Variants in SLC36A1 observed in about 807,000 individuals in gnomAD.
SLC36A1 encodes the protein proton-coupled amino acid transporter 1.
In SLC36A1, 30 loss-of-function variants were observed where a neutral mutation model predicts 47.5. The observed-to-expected ratio is 0.63, with a 90% CI of 0.47 to 0.86. The LOEUF is 0.86. SLC36A1 is among the 40% of genes least tolerant of loss of function. The pLI is 0.00. For synonymous variants in SLC36A1, 255 were observed against 249.7 expected (o/e 1.02, Z -0.20); for missense variants, 517 against 606.0 (o/e 0.85, Z 1.54).
chr5:151,506,133 T>G, the SLC36A1 span: 1 of 1,491,428 alleles, frequency 6.7e-7, no homozygotes. Flanking sequence ...GAGCTCATTT[T>G]CTCCCCGGAA....
At chr5:151,479,840 T>G (rs1758576809) in intron 10 of SLC36A1, 1 of 534,932 alleles carries the variant, frequency 1.9e-6, no homozygotes, top group African/African-American at 1.9e-5. Context: ...TGAGTATAAG[T>G]TACTCTGATG....
At chr5:151,522,267 A>C in the SLC36A1 span, 1 of 558,138 alleles carries the variant, frequency 1.8e-6, no homozygotes, top group Non-Finnish European at 3.2e-6. Flanking sequence ...ACAGAAAAGA[A>C]AGATTTTCTG....
the SLC36A1 span, among the ~76,000 whole-genome samples, chr5:151,548,328 T>C: frequency 6.6e-5 from 10 of 151,808 alleles, no homozygotes; most frequent in East Asian, 1.9e-3. Flanking sequence ...ATATCATTAA[T>C]TATGTATTAT....
In SLC36A1 at chr5:151,491,212, G is replaced by A. The variant is rs910565277; in HGVS notation, c.*2958G>A. 1 of 152,654 alleles carries A rather than the reference G, an allele frequency of 6.6e-6. No individual in the cohort carries two copies. Among genetic ancestry groups the A allele is most frequent in the African/African-American group, 2.4e-5 (1 of 41,460 alleles). The allele number at this position is 152,654 out of a possible 1,614,324, so 9.5% of individuals were successfully genotyped here. A position where few individuals can be genotyped will look rare whatever the true frequency, so the allele number is the denominator to read the frequency against. ...CAGGCACTTGCTAGGAAGAGTGTGA[G>A]CTGGCGTCTTCTGTTCACCCTGCCT... On this transcript the variant is annotated 3_prime_UTR_variant, in exon 11 of 11. Coordinates refer to ENST00000243389, the MANE Select transcript of SLC36A1 (RefSeq NM_078483.4).
chr5:151,464,139 T>C (rs767401360), intron 3 of SLC36A1, among the ~76,000 whole-genome samples: 1 of 152,178 alleles, frequency 6.6e-6, no homozygotes, highest in Non-Finnish European at 1.5e-5. Context: ...CTTAGCTAAG[T>C]GCAGTCTTTC....
chr5:151,497,123 G>A (rs1437388838), downstream of SLC36A1, among the ~76,000 whole-genome samples: 2 of 150,726 alleles, frequency 1.3e-5, no homozygotes, highest in African/African-American at 2.4e-5. Flanking sequence ...TTTCTTTTTT[G>A]TCATATTGCA....
chr5:151,500,400 T>C, the SLC36A1 span, among the ~76,000 whole-genome samples: 1 of 152,134 alleles, frequency 6.6e-6, no homozygotes, highest in South Asian at 2.1e-4. Context: ...CGGAATCTCG[T>C]TCTGTCACCC....
chr5:151,494,097 C>T (rs1760272453), downstream of SLC36A1, among the ~76,000 whole-genome samples: 1 of 152,096 alleles, frequency 6.6e-6, no homozygotes, highest in African/African-American at 2.4e-5. Context: ...AAGCCAGGGC[C>T]CTCAGGTAAG....
the SLC36A1 span, among the ~76,000 whole-genome samples, chr5:151,424,717 G>A: frequency 6.6e-6 from 1 of 152,054 alleles, no homozygotes; most frequent in African/African-American, 2.4e-5. Flanking sequence ...CCATTTGATT[G>A]TCGAGTATTC....
At chr5:151,361,320 G>T in the SLC36A1 span, among the ~76,000 whole-genome samples, 2 of 152,150 alleles carry the variant, frequency 1.3e-5, no homozygotes, top group South Asian at 4.1e-4. Flanking sequence ...ACTGTAATTA[G>T]CATTTAACTT....
the SLC36A1 span, among the ~76,000 whole-genome samples, chr5:151,396,103 C>T: frequency 5.9e-5 from 9 of 151,696 alleles, no homozygotes; most frequent in South Asian, 1.9e-3. Flanking sequence ...AGCCACTGTA[C>T]CTGGACTTAT....
the SLC36A1 span, among the ~76,000 whole-genome samples, chr5:151,430,337 T>TTTTTTTTG: frequency 2.3e-4 from 34 of 146,862 alleles, 1 homozygote; most frequent in South Asian, 6.7e-3. Context: ...GCTAATTTTT[T>TTTTTTTTG]TTTTTTTTTG....
chr5:151,507,608 A>C, the SLC36A1 span: 1 of 1,536,586 alleles, frequency 6.5e-7, no homozygotes, highest in Non-Finnish European at 8.7e-7. Context: ...CCTCCATTTC[A>C]CACCTGCGGA....
the SLC36A1 span, among the ~76,000 whole-genome samples, chr5:151,365,946 C>T: frequency 1.3e-5 from 2 of 152,152 alleles, no homozygotes; most frequent in African/African-American, 2.4e-5. Flanking sequence ...GCTCCCAAGA[C>T]ATTGGGACAA....
the SLC36A1 span, among the ~76,000 whole-genome samples, chr5:151,538,581 G>T: frequency 6.6e-6 from 1 of 152,218 alleles, no homozygotes; most frequent in Non-Finnish European, 1.5e-5. Context: ...TTCAGTGGCT[G>T]GCAGTGAGCC....
At chr5:151,440,341 A>AT (rs1425860147) in intron 1 of SLC36A1, among the ~76,000 whole-genome samples, 1 of 152,088 alleles carries the variant, frequency 6.6e-6, no homozygotes, top group African/African-American at 2.4e-5. Flanking sequence ...TTTATTTTTT[A>AT]TTTTTTAAGA....
At chr5:151,361,906 T>C in the SLC36A1 span, among the ~76,000 whole-genome samples, 2 of 152,216 alleles carry the variant, frequency 1.3e-5, no homozygotes, top group Non-Finnish European at 2.9e-5. Flanking sequence ...CATTGCCTCC[T>C]GGCCTATATG....
the SLC36A1 span, among the ~76,000 whole-genome samples, chr5:151,501,060 G>A: frequency 3.3e-5 from 5 of 152,318 alleles, no homozygotes; most frequent in African/African-American, 1.2e-4. Flanking sequence ...CAGACTGGGT[G>A]TCGGACCTGC....
chr5:151,531,780 G>T, the SLC36A1 span: 1 of 1,612,630 alleles, frequency 6.2e-7, no homozygotes. The surrounding 1 kb of genome is among the most constrained non-coding windows in gnomAD (Gnocchi z 5.7). Flanking sequence ...CCACCACCGA[G>T]ACTGTGACGG....
Sources: gnomAD v4.1 joint callset for allele counts (sites outside exome capture counted in the v4.1 genomes callset) on GRCh38, gnomAD v4.1.1 for gene constraint, Gnocchi (gnomAD v3.1) non-coding constraint, MANE v1.5 for transcripts, NCBI Gene and HGNC (gene_info 2026-07-23, HGNC 2026-07-21) for gene names.